PWP1: variants seen among roughly 807,000 people sequenced by gnomAD.
PWP1 encodes periodic tryptophan protein 1 homolog.
PWP1 carries 47 observed loss-of-function variants against 69.9 expected under a neutral mutation model. That is an observed-to-expected ratio of 0.67 (90% CI 0.53 to 0.86). PWP1 has a LOEUF of 0.86. Ranked by LOEUF, PWP1 falls within the 40% of genes least tolerant of loss-of-function variation. PWP1 has a pLI of 0.00. For missense variants in PWP1, 551 were observed against 608.8 expected (o/e 0.91, Z 1.00); for synonymous variants, 222 against 208.2 (o/e 1.07, Z -0.57).
At chr12:107,688,246 A>G (rs1208217746) in intron 1 of PWP1, among the ~76,000 whole-genome samples, 1 of 151,814 alleles carries the variant, frequency 6.6e-6, no homozygotes, top group Non-Finnish European at 1.5e-5. Context: ...TGATTTTTGA[A>G]GTTTCAGGTA....
intron 8 of PWP1, among the ~76,000 whole-genome samples, 189 bp downstream of exon 8, chr12:107,699,623 C>T (rs1889663787): frequency 6.6e-6 from 1 of 152,128 alleles, no homozygotes; most frequent in African/African-American, 2.4e-5. Flanking sequence ...CCTGCCAGCT[C>T]ATCACTGTGG....
At chr12:107,703,859 T>A in intron 10 of PWP1, 113 bp downstream of exon 10, 1 of 948,052 alleles carries the variant, frequency 1.1e-6, no homozygotes. Context: ...CCTTTATGTT[T>A]AAATTATTTG....
intron 3 of PWP1, 133 bp downstream of exon 3, chr12:107,688,935 G>A: frequency 2.2e-6 from 2 of 908,404 alleles, no homozygotes; most frequent in East Asian, 2.7e-5. Flanking sequence ...GAAGACTTGG[G>A]CAGACAGCAT....
chr12:107,692,933 T>C (rs1889511046), intron 4 of PWP1, 34 bp downstream of exon 4: 6 of 1,613,184 alleles, frequency 3.7e-6, no homozygotes, highest in South Asian at 3.3e-5. Context: ...AATTATGCTC[T>C]TAAGTGTTCA....
intron 14 of PWP1, among the ~76,000 whole-genome samples, chr12:107,710,935 T>C (rs779902328): frequency 2.6e-4 from 36 of 136,092 alleles, no homozygotes; most frequent in Middle Eastern, 3.9e-3. Flanking sequence ...ACCAGCTCGG[T>C]TGGGGAGACC....
In PWP1 at chr12:107,685,877, G is replaced by A; in HGVS notation, c.-23G>A. The A allele has an allele frequency of 6.2e-7, 1 of 1,613,416 alleles. No homozygotes were observed. Among genetic ancestry groups the A allele is most frequent in the Non-Finnish European group, 8.5e-7 (1 of 1,179,668 alleles). On this transcript the variant is annotated 5_prime_UTR_variant, in exon 1 of 15. Transcript: ENST00000412830. ...CCCTATGCAGCCTGGTTTCTAGCGT[G>A]ACACGCCCTTGACTTGAGGACCATG...
In PWP1 at chr12:107,689,164, C is replaced by T. The variant is rs12424295; in HGVS notation, c.319+362C>T. On this transcript the variant is annotated intron_variant, in intron 3 of 14. Coordinates refer to ENST00000412830, the MANE Select transcript of PWP1 (RefSeq NM_007062.3). ...GTCAGTCTTCTCACAATACAGTAGT[C>T]CCCCCTTATCCACGGTTTTGCTTTC... 1.5e-3 allele frequency among the ~76,000 whole-genome samples: 228 copies of T among 150,666 alleles called. 2 individuals are homozygous for T. The highest frequency in any genetic ancestry group is 6.8e-3 in the Admixed American group (103 of 15,238).
At chr12:107,688,056 AAAAAG>A (rs1889406101) in intron 1 of PWP1, among the ~76,000 whole-genome samples, 1 of 149,920 alleles carries the variant, frequency 6.7e-6, no homozygotes, top group African/African-American at 2.5e-5. Flanking sequence ...AAAAAAAAAA[AAAAAG>A]AACAGAGGAC....
rs1188017143 is a variant in PWP1 at position 107,699,374 on chromosome 12, G to T, written c.746G>T (p.Ser249Ile). 1 of 1,610,904 alleles carries T rather than the reference G, an allele frequency of 6.2e-7. No homozygotes were observed. Among genetic ancestry groups the T allele is most frequent in the Admixed American group, 1.7e-5 (1 of 59,834 alleles). Residue 249 changes from serine (S) to isoleucine (I), a missense_variant and splice_region_variant, in exon 8 of 15, where the codon AGT becomes ATT. Ser to Ile is a moderately radical substitution (Grantham distance 142). Coordinates refer to ENST00000412830, the MANE Select transcript of PWP1 (RefSeq NM_007062.3). ...AAATAATTAAAACAATTATTACAGA[G>T]TTCCTCAGCAGAAGGGCATACCGAT... ...SKKKKKKGKK[S>I]SSAEGHTDAV...
In PWP1 at chr12:107,685,852, C is replaced by A. The variant is rs1357565421; in HGVS notation, c.-48C>A. 6.2e-7 allele frequency: 1 copy of A among 1,605,210 alleles called. No individual in the cohort carries two copies. Among genetic ancestry groups the A allele is most frequent in the Non-Finnish European group, 8.5e-7 (1 of 1,172,558 alleles). On this transcript the variant is annotated 5_prime_UTR_variant, in exon 1 of 15. Coordinates refer to ENST00000412830, the MANE Select transcript of PWP1 (RefSeq NM_007062.3). ...TGGCAGCAGTGCGGTCGTGGTCCCT[C>A]CCTATGCAGCCTGGTTTCTAGCGTG...
chr12:107,697,338 C>CAT, intron 6 of PWP1, 129 bp from the exon 7 acceptor site: 1 of 848,346 alleles, frequency 1.2e-6, no homozygotes, highest in Non-Finnish European at 1.7e-6. Context: ...TCAGATGCCG[C>CAT]ATATGCATAT....
At chr12:107,693,703 C>G (rs1889529117) in intron 5 of PWP1, among the ~76,000 whole-genome samples, 1 of 152,166 alleles carries the variant, frequency 6.6e-6, no homozygotes, top group Non-Finnish European at 1.5e-5. Context: ...CTCCACTGTA[C>G]TCCAGCCTGG....
At chr12:107,709,307 G>A (rs546456734) in intron 13 of PWP1, 75 bp downstream of exon 13, 54 of 1,529,162 alleles carry the variant, frequency 3.5e-5, no homozygotes, top group Middle Eastern at 1.8e-4. Context: ...CTTGTGTTGC[G>A]TGTTTTTCTG....
intron 13 of PWP1, 117 bp from the exon 14 acceptor site, chr12:107,710,288 C>T: frequency 6.9e-7 from 1 of 1,455,650 alleles, no homozygotes; most frequent in Non-Finnish European, 9.1e-7. Context: ...AAGTGAGAAT[C>T]ATAAGTTGGT....
In PWP1 at chr12:107,713,108, C is replaced by CA. The variant is rs1889992160; in HGVS notation, c.*892dup. ...CATTGGTGTAGCAACGTGGGTTCAC[C>CA]AAAACACCTTTTTATACAAAAGACA... On this transcript the variant is annotated 3_prime_UTR_variant, in exon 15 of 15. Coordinates refer to ENST00000412830, the MANE Select transcript of PWP1 (RefSeq NM_007062.3). The CA allele has an allele frequency of 6.6e-6, 1 of 152,052 alleles. No homozygotes were observed. The highest frequency in any genetic ancestry group is 1.5e-5 in the Non-Finnish European group (1 of 68,012). 9.4% of individuals were successfully genotyped at this position (152,052 alleles called of 1,614,324 possible).
chr12:107,693,555 T>C (rs887831801), intron 5 of PWP1, among the ~76,000 whole-genome samples: 9 of 152,184 alleles, frequency 5.9e-5, no homozygotes, highest in Non-Finnish European at 7.4e-5. Context: ...ATAAAAAACC[T>C]GGAAGTAAAA....
intron 11 of PWP1, among the ~76,000 whole-genome samples, chr12:107,706,148 G>A (rs1221534663): frequency 6.6e-6 from 1 of 152,222 alleles, no homozygotes; most frequent in African/African-American, 2.4e-5. Context: ...CTGATGGCCA[G>A]TGATGATGAG....
Position 107,697,468 on chromosome 12 carries a change from A to G in PWP1, c.615A>G (p.Gly205=). The G allele has an allele frequency of 6.3e-7, 1 of 1,578,434 alleles. No homozygotes were observed. Among genetic ancestry groups the G allele is most frequent in the South Asian group, 1.2e-5 (1 of 84,948 alleles). The change falls in exon 7 of 15, where the codon GGA becomes GGG. Residue 205 remains glycine (G), a splice_region_variant and synonymous_variant. Transcript: ENST00000412830. ...TACATGCATTGTTTCCTCCCATAGGAAATTACATTGCTGTAGGAAACATGA... is the reference window on the plus strand; with the variant it reads ...TACATGCATTGTTTCCTCCCATAGGGAATTACATTGCTGTAGGAAACATGA... ...NFDPSPDDST[G]NYIAVGNMTP...
At position 107,704,694 on chromosome 12, in the gene PWP1, A is replaced by G; in HGVS notation, c.1024A>G (p.Ser342Gly). Residue 342 changes from serine (S) to glycine (G), a missense_variant, in exon 11 of 15, where the codon AGT becomes GGT. By Grantham distance (56) the Ser-to-Gly change is moderately conservative. Transcript: ENST00000412830. ...TGAAAGCCATCGAATGTGGCGATTC[A>G]GTGGGCAGATAGAGAGAGTGACTTG... ...PDESHRMWRFSGQIERVTWNH... is the reference protein window; with the variant it reads ...PDESHRMWRFGGQIERVTWNH... The G allele has an allele frequency of 6.2e-7, 1 of 1,614,038 alleles. No individual in the cohort carries two copies. The highest frequency in any genetic ancestry group is 8.5e-7 in the Non-Finnish European group (1 of 1,179,938).
Sources: gnomAD v4.1 joint callset for allele counts (sites outside exome capture counted in the v4.1 genomes callset) on GRCh38, gnomAD v4.1.1 for gene constraint, MANE v1.5 for transcripts, NCBI Gene and HGNC (gene_info 2026-07-23, HGNC 2026-07-21) for gene names.